NRG3: variants seen among roughly 807,000 people sequenced by gnomAD.
The protein encoded by NRG3 is pro-neuregulin-3, membrane-bound isoform.
A neutral mutation model predicts 66.9 loss-of-function variants in NRG3; 31 were observed. That is an observed-to-expected ratio of 0.46 (90% confidence interval 0.35 to 0.63). The LOEUF (loss-of-function observed/expected upper bound fraction) is 0.63, where lower values mean the gene tolerates loss of function less well. NRG3 is among the 20% of genes least tolerant of loss of function. NRG3 has a pLI of 0.00. For missense variants in NRG3, 910 were observed against 878.9 expected, an observed-to-expected ratio of 1.04 and a Z score of -0.45; for synonymous variants, 393 against 359.4, an observed-to-expected ratio of 1.09 and a Z score of -1.06.
At chr10:82,773,881 T>A (rs2059803916) in intron 3 of NRG3, among the ~76,000 whole-genome samples, 1 of 152,196 alleles carries the variant, frequency 6.6e-6, no homozygotes, top group Non-Finnish European at 1.5e-5. Context: ...ACTTTTCTTC[T>A]GTACCAAAAC....
chr10:82,296,220 G>A (rs565973712), intron 1 of NRG3, among the ~76,000 whole-genome samples: 1 of 152,290 alleles, frequency 6.6e-6, no homozygotes, highest in Non-Finnish European at 1.5e-5. Context: ...GAGAGGAAGA[G>A]GAAGGCTGGA....
At chr10:82,188,312 A>G (rs983053540) in intron 1 of NRG3, among the ~76,000 whole-genome samples, 2 of 152,188 alleles carry the variant, frequency 1.3e-5, no homozygotes, top group African/African-American at 4.8e-5. Flanking sequence ...TCAAATCAAA[A>G]TGGATTAAAA....
At chr10:82,537,967 C>G (rs1565042725) in intron 2 of NRG3, among the ~76,000 whole-genome samples, 1 of 152,124 alleles carries the variant, frequency 6.6e-6, no homozygotes, top group Non-Finnish European at 1.5e-5. Flanking sequence ...TTGATGTTGG[C>G]AGTGTTGTTA....
chr10:82,183,565 C>T (rs183421843), intron 1 of NRG3, among the ~76,000 whole-genome samples: 1 of 152,054 alleles, frequency 6.6e-6, no homozygotes, highest in East Asian at 1.9e-4. Context: ...GCTGCTGTAA[C>T]AAATATACCC....
At chr10:81,877,672 A>G in intron 1 of NRG3, 4 of 1,286,986 alleles carry the variant, frequency 3.1e-6, no homozygotes, top group East Asian at 3.4e-5. Context: ...ACCGTCTAGA[A>G]GATAAATTGG....
At chr10:82,262,675 A>C (rs1468055565) in intron 1 of NRG3, among the ~76,000 whole-genome samples, 1 of 152,144 alleles carries the variant, frequency 6.6e-6, no homozygotes, top group Non-Finnish European at 1.5e-5. Flanking sequence ...GTTTTTAATA[A>C]ATATGGTGTC....
chr10:82,736,789 AG>A (rs1327386599), intron 2 of NRG3, among the ~76,000 whole-genome samples: 1 of 152,268 alleles, frequency 6.6e-6, no homozygotes, highest in Non-Finnish European at 1.5e-5. Context: ...TATCCTTAAA[AG>A]CCACCATCTC....
At chr10:82,348,585 T>C (rs1248734102) in intron 1 of NRG3, among the ~76,000 whole-genome samples, 1 of 146,728 alleles carries the variant, frequency 6.8e-6, no homozygotes, top group East Asian at 2.0e-4. Flanking sequence ...TGTGGCGTTC[T>C]CTGTATTTCC....
At chr10:82,145,190 T>C (rs1590284472) in intron 1 of NRG3, among the ~76,000 whole-genome samples, 1 of 152,160 alleles carries the variant, frequency 6.6e-6, no homozygotes, top group African/African-American at 2.4e-5. Context: ...TAGAACTCGG[T>C]ATGGTGTATT....
chr10:82,100,904 G>C (rs1367798813), intron 1 of NRG3, among the ~76,000 whole-genome samples: 1 of 151,940 alleles, frequency 6.6e-6, no homozygotes, highest in Non-Finnish European at 1.5e-5. Flanking sequence ...TGTCTTAGAA[G>C]AGAATATGTG....
intron 2 of NRG3, among the ~76,000 whole-genome samples, chr10:82,517,972 C>A (rs1394035993): frequency 6.6e-6 from 1 of 152,086 alleles, no homozygotes; most frequent in Non-Finnish European, 1.5e-5. Context: ...GGGACTCTGT[C>A]CTATGGGATA....
chr10:82,434,169 A>C (rs911140815), intron 2 of NRG3, among the ~76,000 whole-genome samples: 1 of 151,896 alleles, frequency 6.6e-6, no homozygotes, highest in Non-Finnish European at 1.5e-5. Flanking sequence ...TTCACATCCC[A>C]TGTTAGCTGT....
At chr10:81,958,276 C>T (rs1850028155) in intron 1 of NRG3, among the ~76,000 whole-genome samples, 1 of 152,134 alleles carries the variant, frequency 6.6e-6, no homozygotes, top group Non-Finnish European at 1.5e-5. Flanking sequence ...TTATTCAGAT[C>T]TCCAGGAAGC....
intron 3 of NRG3, among the ~76,000 whole-genome samples, chr10:82,741,838 CACTGACTGAA>C (rs71009822): frequency 0.047 from 7,140 of 152,168 alleles, 251 homozygotes; most frequent in Non-Finnish European, 0.074. Flanking sequence ...CTCTAAATTC[CACTGACTGAA>C]ACTCAATGAC....
At chr10:82,634,482 C>A (rs1049914648) in intron 2 of NRG3, among the ~76,000 whole-genome samples, 8 of 152,080 alleles carry the variant, frequency 5.3e-5, no homozygotes, top group Non-Finnish European at 1.2e-4. Flanking sequence ...TCTAGTTTCA[C>A]AATAATTTGG....
intron 4 of NRG3, among the ~76,000 whole-genome samples, chr10:82,908,027 A>G (rs1281583765): frequency 6.6e-6 from 1 of 152,178 alleles, no homozygotes; most frequent in Non-Finnish European, 1.5e-5. Context: ...GACATTATGG[A>G]TAAAGTGTCA....
chr10:82,856,502 T>C (rs954906955), intron 3 of NRG3, among the ~76,000 whole-genome samples: 2 of 152,020 alleles, frequency 1.3e-5, no homozygotes, highest in African/African-American at 2.4e-5. Flanking sequence ...CCCAGCACTT[T>C]GGGAGGCCAA....
At chr10:82,819,683 A>G (rs2061862921) in intron 3 of NRG3, among the ~76,000 whole-genome samples, 1 of 152,258 alleles carries the variant, frequency 6.6e-6, no homozygotes, top group Admixed American at 6.5e-5. Context: ...ACCTAAAGTC[A>G]TTAGTGGTGT....
At chr10:82,106,989 A>T (rs912854999) in intron 1 of NRG3, among the ~76,000 whole-genome samples, 3 of 152,216 alleles carry the variant, frequency 2.0e-5, no homozygotes, top group Non-Finnish European at 2.9e-5. Flanking sequence ...GAACCCCTGT[A>T]AGCTAGGCAT....
Sources: gnomAD v4.1 joint callset for allele counts (sites outside exome capture counted in the v4.1 genomes callset) on GRCh38, gnomAD v4.1.1 for gene constraint, MANE v1.5 for transcripts, NCBI Gene and HGNC (gene_info 2026-07-23, HGNC 2026-07-21) for gene names.